ROR2: variants seen among roughly 807,000 people sequenced by gnomAD.
ROR2 encodes ROR family WNT receptor 2.
Under a neutral mutation model 74.9 loss-of-function variants are expected in ROR2, and 33 were observed. That is an observed-to-expected ratio of 0.44 (90% confidence interval 0.33 to 0.59). ROR2 has a LOEUF of 0.59. Ranked by LOEUF, ROR2 falls within the 20% of genes least tolerant of loss-of-function variation. The pLI, the probability that ROR2 is intolerant of heterozygous loss-of-function variation, is 0.02. For synonymous variants in ROR2, 586 were observed against 558.7 expected, an observed-to-expected ratio of 1.05 and a Z score of -0.69; for missense variants, 1,216 against 1,313.8, an observed-to-expected ratio of 0.93 and a Z score of 1.15.
chr9:91,918,082 TAAC>T (rs1450752653), intron 1 of ROR2, among the ~76,000 whole-genome samples: 20 of 152,006 alleles, frequency 1.3e-4, no homozygotes, highest in Admixed American at 2.0e-4. Context: ...CCATCCTGGC[TAAC>T]AAGGTGAAAC....
chr9:91,831,746 C>G (rs534729454), intron 1 of ROR2, among the ~76,000 whole-genome samples: 1 of 152,006 alleles, frequency 6.6e-6, no homozygotes, highest in Non-Finnish European at 1.5e-5. Flanking sequence ...ACCCAGGAGG[C>G]GGAGCTTGCA....
chr9:91,798,924 T>A (rs571132557), intron 1 of ROR2, among the ~76,000 whole-genome samples: 19 of 152,270 alleles, frequency 1.2e-4, no homozygotes, highest in African/African-American at 4.3e-4. Flanking sequence ...AGAGACGCTC[T>A]GACCCTGTGC....
At chr9:91,854,853 G>A (rs941497035) in intron 1 of ROR2, among the ~76,000 whole-genome samples, 5 of 152,162 alleles carry the variant, frequency 3.3e-5, no homozygotes, top group South Asian at 2.1e-4. Flanking sequence ...CATTGCCACC[G>A]GCCATTTGGC....
chr9:91,740,025 T>G (rs1339001062), intron 4 of ROR2, among the ~76,000 whole-genome samples: 1 of 152,208 alleles, frequency 6.6e-6, no homozygotes, highest in Admixed American at 6.5e-5. Context: ...GATCAGTCCC[T>G]TGGGATGCCC....
chr9:91,938,930 G>A (rs1340291507), intron 1 of ROR2, among the ~76,000 whole-genome samples: 2 of 152,198 alleles, frequency 1.3e-5, no homozygotes, highest in South Asian at 2.1e-4. Flanking sequence ...TTTCCTTAGA[G>A]TGGGCCATGG....
In ROR2 at chr9:91,788,415, A is replaced by G. The variant is rs563776335; in HGVS notation, c.98-12597T>C. 1.0e-3 allele frequency among the ~76,000 whole-genome samples: 156 copies of G among 152,332 alleles called. 1 individual carries two copies. Among genetic ancestry groups the G allele is most frequent in the African/African-American group, 3.4e-3 (141 of 41,564 alleles). ...ATATCCACGACCAGGCACATCATAG[A>G]CTGTTGAAAGACAGAATCTTGAAAG... is the stretch of plus-strand genomic sequence containing the variant. On this transcript the variant is annotated intron_variant, in intron 1 of 8. Transcript: ENST00000375708.
chr9:91,782,584 CAAAAAAAAA>C (rs55664591), intron 1 of ROR2, among the ~76,000 whole-genome samples: 7 of 79,796 alleles, frequency 8.8e-5, no homozygotes, highest in Middle Eastern at 6.8e-3. Flanking sequence ...TAGCTGATAG[CAAAAAAAAA>C]AAAAAAAAAA....
rs977933478 is a variant in ROR2 at position 91,722,846 on chromosome 9, T to C, written c.*816A>G. 3.7e-6 allele frequency: 2 copies of C among 546,202 alleles called. No homozygotes were observed. The highest frequency in any genetic ancestry group is 6.1e-5 in the East Asian group (2 of 32,658). The allele number at this position is 546,202 out of a possible 1,614,324, so 33.8% of individuals were successfully genotyped here. ...AAAATACTTCAATGAAAATGGCATA[T>C]TAAAAACATATAAATTACATTTAAG... is the stretch of plus-strand genomic sequence containing the variant. On this transcript the variant is annotated 3_prime_UTR_variant, in exon 9 of 9. Transcript: ENST00000375708.
At chr9:91,882,099 A>T (rs1338108463) in intron 1 of ROR2, among the ~76,000 whole-genome samples, 1 of 152,132 alleles carries the variant, frequency 6.6e-6, no homozygotes, top group African/African-American at 2.4e-5. Context: ...CCCAGAGCTC[A>T]CAGCTCAGTC....
chr9:91,773,641 C>T (rs1320548797), intron 2 of ROR2, among the ~76,000 whole-genome samples: 1 of 152,228 alleles, frequency 6.6e-6, no homozygotes, highest in Non-Finnish European at 1.5e-5. Context: ...CAAGAGCCTT[C>T]CAGCTGCCCT....
chr9:91,742,266 T>C (rs1825279203), intron 4 of ROR2, among the ~76,000 whole-genome samples: 1 of 152,146 alleles, frequency 6.6e-6, no homozygotes, highest in African/African-American at 2.4e-5. Context: ...CATGATTCAA[T>C]TACCTCCCCC....
chr9:91,822,234 G>A (rs532984238), intron 1 of ROR2, among the ~76,000 whole-genome samples: 1 of 152,254 alleles, frequency 6.6e-6, no homozygotes, highest in South Asian at 2.1e-4. Context: ...TGGAGGCAGT[G>A]GCCACTCAGG....
At chr9:91,897,687 G>A (rs1830570425) in intron 1 of ROR2, among the ~76,000 whole-genome samples, 1 of 152,210 alleles carries the variant, frequency 6.6e-6, no homozygotes, top group African/African-American at 2.4e-5. Context: ...CAGGCCCAGG[G>A]GCATCTCACA....
At chr9:91,856,402 C>G (rs1819047002) in intron 1 of ROR2, among the ~76,000 whole-genome samples, 1 of 152,192 alleles carries the variant, frequency 6.6e-6, no homozygotes, top group Non-Finnish European at 1.5e-5. Context: ...AAATTGTGTT[C>G]CTCCAAAATT....
At chr9:91,815,025 C>T (rs532023271) in intron 1 of ROR2, among the ~76,000 whole-genome samples, 5 of 152,302 alleles carry the variant, frequency 3.3e-5, no homozygotes, top group African/African-American at 1.2e-4. Flanking sequence ...GAGGTGTGCC[C>T]TCTCACTGCC....
intron 2 of ROR2, among the ~76,000 whole-genome samples, chr9:91,764,162 C>T (rs1263906128): frequency 6.6e-6 from 1 of 152,160 alleles, no homozygotes; most frequent in African/African-American, 2.4e-5. Flanking sequence ...TCATTTGGTC[C>T]ATACATCACT....
intron 1 of ROR2, among the ~76,000 whole-genome samples, chr9:91,921,734 A>C (rs1376450880): frequency 6.6e-6 from 1 of 151,944 alleles, no homozygotes; most frequent in African/African-American, 2.4e-5. Flanking sequence ...GTGGCGGCGC[A>C]CGCCTGTAGT....
At chr9:91,763,235 C>T (rs186562934) in intron 2 of ROR2, among the ~76,000 whole-genome samples, 120 of 152,252 alleles carry the variant, frequency 7.9e-4, no homozygotes, top group Non-Finnish European at 1.2e-3. Context: ...ATGCTCATTA[C>T]CTAGGTGACA....
chr9:91,748,633 G>A (rs977842948), intron 4 of ROR2, among the ~76,000 whole-genome samples: 25 of 152,150 alleles, frequency 1.6e-4, no homozygotes, highest in Non-Finnish European at 3.5e-4. Context: ...TAAAATTTGG[G>A]AGAGAAAGAT....
Sources: gnomAD v4.1 joint callset for allele counts (sites outside exome capture counted in the v4.1 genomes callset) on GRCh38, gnomAD v4.1.1 for gene constraint, MANE v1.5 for transcripts, NCBI Gene and HGNC (gene_info 2026-07-23, HGNC 2026-07-21) for gene names.